Variants in NUP133 observed in about 807,000 individuals in gnomAD.
NUP133 encodes the protein nuclear pore complex protein Nup133.
In NUP133, 66 loss-of-function variants were observed where a neutral mutation model predicts 146.2. The observed-to-expected ratio is 0.45, with a 90% CI of 0.37 to 0.55. The LOEUF is 0.55. Ranked by LOEUF, NUP133 falls within the 20% of genes least tolerant of loss-of-function variation. The pLI, the probability that NUP133 is intolerant of heterozygous loss-of-function variation, is 0.00. For synonymous variants in NUP133, 521 were observed against 498.8 expected, an observed-to-expected ratio of 1.04 and a Z score of -0.59; for missense variants, 1,277 against 1,374.8, an observed-to-expected ratio of 0.93 and a Z score of 1.12.
rs368257231 is a variant in NUP133, at chr1:229,500,857, C to A, written c.412G>T (p.Val138Phe). ...IALSPITKLS[V>F]CKELQLPPSD... ...GGTGGCAGCTGAAGTTCTTTGCAAA[C>A]GGATAACTGTAGAACAAACCCAAAC... The change falls in exon 4 of 26, where the codon GTT (valine) becomes TTT (phenylalanine). Residue 138 changes from valine (V) to phenylalanine (F), a missense_variant. By Grantham distance (50) the Val-to-Phe change is conservative. Coordinates refer to ENST00000261396, the MANE Select transcript of NUP133 (RefSeq NM_018230.3). The A allele has an allele frequency of 1.9e-6, 3 of 1,609,084 alleles. No homozygotes were observed. The highest frequency in any genetic ancestry group is 2.5e-6 in the Non-Finnish European group (3 of 1,176,542).
intron 6 of NUP133, among the ~76,000 whole-genome samples, chr1:229,497,475 T>G (rs1661682345): frequency 6.6e-6 from 1 of 152,202 alleles, no homozygotes; most frequent in Non-Finnish European, 1.5e-5. Context: ...GTGATAATTA[T>G]CTGAAACAAG....
intron 11 of NUP133, among the ~76,000 whole-genome samples, chr1:229,486,137 A>G (rs1443432350): frequency 6.6e-6 from 1 of 152,150 alleles, no homozygotes; most frequent in African/African-American, 2.4e-5. Context: ...ACTGCACTCT[A>G]GCCTGGGCAA....
intron 12 of NUP133, among the ~76,000 whole-genome samples, chr1:229,483,700 A>T (rs1661275881): frequency 6.9e-6 from 1 of 145,464 alleles, no homozygotes; most frequent in Non-Finnish European, 1.5e-5. Context: ...GTGTCTCAAA[A>T]AAAAAAAAAA....
chr1:229,498,705 G>C (rs1299685957), intron 5 of NUP133, among the ~76,000 whole-genome samples: 1 of 150,998 alleles, frequency 6.6e-6, no homozygotes, highest in Non-Finnish European at 1.5e-5. Context: ...GCAGTGAGCT[G>C]AGATTGCGCC....
chr1:229,452,105 G>A (rs898136031), intron 22 of NUP133, among the ~76,000 whole-genome samples: 15 of 152,104 alleles, frequency 9.9e-5, no homozygotes, highest in African/African-American at 2.7e-4. Flanking sequence ...CTCTGCCCTC[G>A]GGGATGTGTT....
At chr1:229,453,887 T>C (rs1660509169) in intron 21 of NUP133, among the ~76,000 whole-genome samples, 1 of 151,702 alleles carries the variant, frequency 6.6e-6, no homozygotes, top group Non-Finnish European at 1.5e-5. Flanking sequence ...AGACTACATA[T>C]GTTTTATGTA....
At position 229,450,512 on chromosome 1, in the gene NUP133, C is replaced by A; in HGVS notation, c.3180+13G>T. The A allele has an allele frequency of 6.9e-7, 1 of 1,456,892 alleles. No individual in the cohort carries two copies. The highest frequency in any genetic ancestry group is 9.5e-7 in the Non-Finnish European group (1 of 1,057,850). The allele number at this position is 1,456,892 out of a possible 1,614,324, so 90.2% of individuals were successfully genotyped here. A position where few individuals can be genotyped will look rare whatever the true frequency, so the allele number is the denominator to read the frequency against. ...TTCAGTTGCCTGAGATCATCTCAAGCAATTTTACTTACCTCATCAATATAT... is the reference window on the plus strand; with the variant it reads ...TTCAGTTGCCTGAGATCATCTCAAGAAATTTTACTTACCTCATCAATATAT... On this transcript the variant is annotated intron_variant, in intron 23 of 25. Transcript: ENST00000261396.
intron 6 of NUP133, among the ~76,000 whole-genome samples, chr1:229,496,508 A>G (rs1661660668): frequency 6.6e-6 from 1 of 152,126 alleles, no homozygotes; most frequent in Non-Finnish European, 1.5e-5. Context: ...GAAATGAGTG[A>G]TCCTGAAATA....
chr1:229,466,819 C>A, intron 15 of NUP133, 63 bp from the exon 16 acceptor site: 1 of 1,547,636 alleles, frequency 6.5e-7, no homozygotes, highest in African/African-American at 1.4e-5. Context: ...TAACAACTAC[C>A]CAGTGAGTTT....
At chr1:229,479,203 T>C (rs1457994896) in intron 12 of NUP133, among the ~76,000 whole-genome samples, 1 of 152,212 alleles carries the variant, frequency 6.6e-6, no homozygotes, top group Non-Finnish European at 1.5e-5. Context: ...GTCCTGCAGC[T>C]GGCTCTGTGG....
At chr1:229,477,371 T>C (rs1334898069) in intron 13 of NUP133, among the ~76,000 whole-genome samples, 12 of 139,792 alleles carry the variant, frequency 8.6e-5, no homozygotes, top group African/African-American at 3.3e-4. Flanking sequence ...ACCTGGGAGG[T>C]GGAGCTTGCA....
intron 8 of NUP133, among the ~76,000 whole-genome samples, chr1:229,495,036 T>C (rs1042972792): frequency 3.3e-5 from 5 of 151,998 alleles, no homozygotes; most frequent in Non-Finnish European, 7.4e-5. Flanking sequence ...CTAACATCAC[T>C]CGATAAACAA....
chr1:229,448,154 C>T (rs113408143), intron 24 of NUP133, among the ~76,000 whole-genome samples: 10 of 152,324 alleles, frequency 6.6e-5, no homozygotes, highest in South Asian at 6.2e-4. Context: ...AGGAGCCGGG[C>T]GTGGTGGCTC....
chr1:229,454,361 A>G (rs1006315118), intron 21 of NUP133, among the ~76,000 whole-genome samples: 33 of 152,214 alleles, frequency 2.2e-4, no homozygotes, highest in African/African-American at 8.0e-4. Flanking sequence ...TTTCGCTCAA[A>G]TACTGGCAGC....
At position 229,470,680 on chromosome 1, in the gene NUP133, C is replaced by T. The variant is rs768528887; in HGVS notation, c.1976G>A (p.Arg659Gln). 2 of 1,614,096 alleles carry T rather than the reference C, an allele frequency of 1.2e-6. No individual in the cohort carries two copies. The highest frequency in any genetic ancestry group is 1.7e-6 in the Non-Finnish European group (2 of 1,180,010). Reference sequence around the variant, plus strand: ...GGCTGTGTTGACAAGGTCAGAAAGCCGGGAGTGGTGGTTCTTGAGAACAAT... The same window carrying T: ...GGCTGTGTTGACAAGGTCAGAAAGCTGGGAGTGGTGGTTCTTGAGAACAAT... ...AAIVLKNHHS[R>Q]LSDLVNTAIL... The change falls in exon 15 of 26, where the codon CGG (arginine) becomes CAG (glutamine). Residue 659 changes from arginine (R) to glutamine (Q), a missense_variant. By Grantham distance (43) the Arg-to-Gln change is conservative (BLOSUM62 1). This residue lies in a region of NUP133 where 952 missense variants were observed against 1,047.0 expected (regional missense o/e 0.91). Transcript: ENST00000261396.
chr1:229,465,556 G>A (rs756198783), intron 16 of NUP133, 37 bp from the exon 17 acceptor site: 2 of 1,391,826 alleles, frequency 1.4e-6, no homozygotes, highest in South Asian at 2.3e-5. Flanking sequence ...CATGCAAAAG[G>A]TGATGGATCA....
At chr1:229,464,947 T>C in intron 17 of NUP133, 72 bp from the exon 18 acceptor site, 1 of 1,552,966 alleles carries the variant, frequency 6.4e-7, no homozygotes, top group Non-Finnish European at 8.8e-7. Context: ...ACTAATAGCA[T>C]AAAAATTATG....
At chr1:229,466,831 A>G (rs1660837817) in intron 15 of NUP133, 75 bp from the exon 16 acceptor site, 1 of 1,460,974 alleles carries the variant, frequency 6.8e-7, no homozygotes, top group African/African-American at 1.4e-5. Flanking sequence ...AGTGAGTTTT[A>G]CTCATTAAGC....
chr1:229,505,943 TA>T, intron 2 of NUP133, 96 bp downstream of exon 2: 1 of 707,124 alleles, frequency 1.4e-6, no homozygotes. Flanking sequence ...ACCATTTACG[TA>T]AAGGTATACT....
Sources: gnomAD v4.1 joint callset for allele counts (sites outside exome capture counted in the v4.1 genomes callset) on GRCh38, gnomAD v4.1.1 for gene constraint, gnomAD v4.1.1 regional missense constraint, MANE v1.5 for transcripts, NCBI Gene and HGNC (gene_info 2026-07-23, HGNC 2026-07-21) for gene names.